Variants in SPOCK1 observed in about 807,000 individuals in gnomAD.
SPOCK1 encodes testican-1.
SPOCK1 carries 23 observed loss-of-function variants against 55.3 expected under a neutral mutation model. That is an observed-to-expected ratio of 0.42 (90% confidence interval 0.30 to 0.59). The LOEUF (loss-of-function observed/expected upper bound fraction) is 0.59, where lower values mean the gene tolerates loss of function less well. SPOCK1 is among the 20% of genes least tolerant of loss of function. SPOCK1 has a pLI of 0.22. For missense variants in SPOCK1, 499 were observed against 552.5 expected (o/e 0.90, Z 0.97); for synonymous variants, 226 against 221.0 (o/e 1.02, Z -0.20).
At chr5:137,221,456 T>C (rs116138045) in intron 3 of SPOCK1, among the ~76,000 whole-genome samples, 625 of 152,172 alleles carry the variant, frequency 4.1e-3, no homozygotes, top group Non-Finnish European at 7.2e-3. Context: ...ACAAAGCAAA[T>C]AAAAAATTCA....
chr5:137,311,981 T>C (rs750908071), intron 2 of SPOCK1, among the ~76,000 whole-genome samples: 1 of 152,266 alleles, frequency 6.6e-6, no homozygotes, highest in African/African-American at 2.4e-5. Context: ...TAGGCTTTAC[T>C]GTCTGACAAA....
rs114684088 is a variant in SPOCK1 at position 137,161,563 on chromosome 5, C to A, written c.233-20869G>T. Among the ~76,000 whole-genome samples, 1,169 of 152,244 alleles carry A rather than the reference C, an allele frequency of 7.7e-3. 7 individuals carry two copies. Among genetic ancestry groups the A allele is most frequent in the Non-Finnish European group, 0.014 (973 of 68,012 alleles). On this transcript the variant is annotated intron_variant, in intron 3 of 10. Coordinates refer to ENST00000394945, the MANE Select transcript of SPOCK1 (RefSeq NM_004598.4). ...TTTATGATTTATATTTTGTGTCATG[C>A]TTCCCCTGGTTTTTGTCTTACTTGT...
chr5:137,231,700 C>T (rs1449116091), intron 3 of SPOCK1, among the ~76,000 whole-genome samples: 1 of 152,192 alleles, frequency 6.6e-6, no homozygotes, highest in Non-Finnish European at 1.5e-5. Context: ...CTAATAAACA[C>T]TCATGTGCAG....
At chr5:137,365,019 G>C (rs1751026802) in intron 2 of SPOCK1, 1 of 152,268 alleles carries the variant, frequency 6.6e-6, no homozygotes, top group African/African-American at 2.4e-5. Context: ...GAGGATTCAT[G>C]TCCAAGTGCC....
rs141823876 is a variant in SPOCK1 at position 136,985,009 on chromosome 5, T to A, written c.991+131A>T. On this transcript the variant is annotated intron_variant, in intron 9 of 10. Coordinates refer to ENST00000394945, the MANE Select transcript of SPOCK1 (RefSeq NM_004598.4). ...TCCAGCTGCCTGGAAGAGCTCTGCC[T>A]GGGGTTAAAACAAGGCATTTCTTTC... 7.5e-5 allele frequency: 70 copies of A among 927,178 alleles called. No individual in the cohort carries two copies. In the African/African-American group the frequency reaches 1.1e-3, roughly 15 times the overall value. 57.4% of individuals were successfully genotyped at this position (927,178 alleles called of 1,614,324 possible). A position where few individuals can be genotyped will look rare whatever the true frequency, so the allele number is the denominator to read the frequency against.
At chr5:137,036,000 G>A (rs1751878033) in intron 6 of SPOCK1, among the ~76,000 whole-genome samples, 1 of 152,170 alleles carries the variant, frequency 6.6e-6, no homozygotes, top group African/African-American at 2.4e-5. Flanking sequence ...TGAGGAGAGG[G>A]AGACTAGCAG....
intron 2 of SPOCK1, among the ~76,000 whole-genome samples, chr5:137,304,065 GTTTT>G (rs59137765): frequency 1.5e-5 from 1 of 68,828 alleles, no homozygotes; most frequent in Non-Finnish European, 2.6e-5. Flanking sequence ...AATGCAATGG[GTTTT>G]TTTTTTTTTT....
intron 3 of SPOCK1, among the ~76,000 whole-genome samples, chr5:137,241,356 T>C (rs1258539208): frequency 2.0e-5 from 3 of 152,150 alleles, no homozygotes; most frequent in African/African-American, 7.2e-5. Context: ...TATCTCTCTA[T>C]ATAAAGAGCT....
intron 5 of SPOCK1, among the ~76,000 whole-genome samples, chr5:137,087,622 C>T (rs1752982049): frequency 6.6e-6 from 1 of 152,222 alleles, no homozygotes; most frequent in Non-Finnish European, 1.5e-5. Context: ...CTCTGTGAAG[C>T]AGCCGCTGGC....
intron 3 of SPOCK1, among the ~76,000 whole-genome samples, chr5:137,254,281 T>G (rs538137710): frequency 6.6e-6 from 1 of 152,216 alleles, no homozygotes; most frequent in Non-Finnish European, 1.5e-5. Context: ...TGGATTTCTA[T>G]TGGTATTTTT....
intron 2 of SPOCK1, among the ~76,000 whole-genome samples, chr5:137,462,421 G>C (rs1199437608): frequency 6.6e-6 from 1 of 152,174 alleles, no homozygotes; most frequent in African/African-American, 2.4e-5. Flanking sequence ...GGTGAGAAAG[G>C]TTTCCAAGGT....
chr5:137,117,318 A>G (rs1356660550), intron 4 of SPOCK1, among the ~76,000 whole-genome samples: 2 of 152,196 alleles, frequency 1.3e-5, no homozygotes, highest in Non-Finnish European at 2.9e-5. Flanking sequence ...CTTCAAATCC[A>G]TTGCTTTCTG....
At chr5:137,373,460 T>C (rs1229702) in intron 2 of SPOCK1, among the ~76,000 whole-genome samples, 32,521 of 152,180 alleles carry the variant, frequency 0.21, 3,556 homozygotes, top group South Asian at 0.28. Flanking sequence ...CCAATTCCCC[T>C]GCAGCATCCC....
intron 3 of SPOCK1, among the ~76,000 whole-genome samples, chr5:137,215,783 A>T (rs1052993515): frequency 6.6e-6 from 1 of 152,224 alleles, no homozygotes; most frequent in Admixed American, 6.5e-5. Flanking sequence ...ACCACAAGGT[A>T]TCCTCAGGAT....
chr5:137,353,167 C>A (rs999351577), intron 2 of SPOCK1, among the ~76,000 whole-genome samples: 1 of 152,038 alleles, frequency 6.6e-6, no homozygotes, highest in Non-Finnish European at 1.5e-5. Context: ...ATCGATAGAG[C>A]CCAAAAGTTA....
intron 2 of SPOCK1, among the ~76,000 whole-genome samples, chr5:137,335,459 T>C (rs921268043): frequency 2.6e-5 from 4 of 152,256 alleles, no homozygotes; most frequent in Admixed American, 2.0e-4. Flanking sequence ...CAAATTTTTA[T>C]CATGAATATG....
intron 6 of SPOCK1, among the ~76,000 whole-genome samples, chr5:137,024,918 TATTC>T (rs371241746): frequency 4.6e-5 from 7 of 152,206 alleles, no homozygotes; most frequent in African/African-American, 1.4e-4. Context: ...AATGGATTAT[TATTC>T]AGCCTTAAAA....
chr5:137,390,275 G>A (rs981100150), intron 2 of SPOCK1, among the ~76,000 whole-genome samples: 19 of 152,128 alleles, frequency 1.2e-4, no homozygotes, highest in Non-Finnish European at 2.6e-4. Flanking sequence ...CCTGGAAGCC[G>A]TATGTATCTA....
At chr5:137,364,211 C>G (rs939054075) in intron 2 of SPOCK1, among the ~76,000 whole-genome samples, 4 of 152,342 alleles carry the variant, frequency 2.6e-5, no homozygotes, top group African/African-American at 7.2e-5. Flanking sequence ...AGGTTAAATA[C>G]CGAGATTTGC....
Sources: gnomAD v4.1 joint callset for allele counts (sites outside exome capture counted in the v4.1 genomes callset) on GRCh38, gnomAD v4.1.1 for gene constraint, MANE v1.5 for transcripts, NCBI Gene and HGNC (gene_info 2026-07-23, HGNC 2026-07-21) for gene names.